Variants in LRRTM3 observed in about 807,000 individuals in gnomAD.
LRRTM3 encodes the protein leucine-rich repeat transmembrane neuronal protein 3.
In LRRTM3, 24 loss-of-function variants were observed where a neutral mutation model predicts 44.7. The ratio of observed to expected loss-of-function variants is 0.54; its 90% CI spans 0.39 to 0.76. The LOEUF (loss-of-function observed/expected upper bound fraction) is 0.76, where lower values mean the gene tolerates loss of function less well. LRRTM3 is among the 30% of genes least tolerant of loss of function. LRRTM3 has a pLI of 0.00. For synonymous variants in LRRTM3, 277 were observed against 278.7 expected (o/e 0.99, Z 0.06); for missense variants, 587 against 702.2 (o/e 0.84, Z 1.85).
At position 67,026,179 on chromosome 10, in the gene LRRTM3, A is replaced by G. The variant is rs374263916; in HGVS notation, c.1537-71408A>G. Among the ~76,000 whole-genome samples the G allele has an allele frequency of 1.3e-4, 19 of 151,608 alleles. No individual in the cohort carries two copies. The East Asian group carries it at 1.4e-3, about 11-fold the overall frequency. On this transcript the variant is annotated intron_variant, in intron 2 of 2. Coordinates refer to ENST00000361320, the MANE Select transcript of LRRTM3 (RefSeq NM_178011.5). ...TGCTAAATGACGAGTTAATGGGTGC[A>G]GCACACCAGCATGGCACATGTATAC...
At chr10:66,941,516 T>A (rs1847993667) in intron 2 of LRRTM3, among the ~76,000 whole-genome samples, 1 of 152,150 alleles carries the variant, frequency 6.6e-6, no homozygotes, top group Admixed American at 6.6e-5. Flanking sequence ...TCCTTTCAAC[T>A]GTATGGAATT....
chr10:67,056,886 G>C (rs989418545), intron 2 of LRRTM3, among the ~76,000 whole-genome samples: 7 of 152,194 alleles, frequency 4.6e-5, no homozygotes, highest in African/African-American at 1.4e-4. Context: ...TATCAAGTGA[G>C]AGAGCAAGGA....
intron 2 of LRRTM3, among the ~76,000 whole-genome samples, chr10:66,935,812 T>C (rs1847664617): frequency 6.6e-6 from 1 of 151,874 alleles, no homozygotes; most frequent in Non-Finnish European, 1.5e-5. Flanking sequence ...AACAGAGCCC[T>C]TTATATTGAG....
intron 2 of LRRTM3, among the ~76,000 whole-genome samples, chr10:67,057,504 G>C (rs1178047711): frequency 1.3e-5 from 2 of 152,006 alleles, no homozygotes; most frequent in African/African-American, 4.8e-5. Context: ...CATATAAGTG[G>C]GACCATGCAG....
At chr10:67,035,670 C>T (rs1261829963) in intron 2 of LRRTM3, among the ~76,000 whole-genome samples, 1 of 152,128 alleles carries the variant, frequency 6.6e-6, no homozygotes, top group African/African-American at 2.4e-5. Context: ...TCCCTCAGTA[C>T]TCAAAATTCA....
intron 2 of LRRTM3, among the ~76,000 whole-genome samples, chr10:67,032,390 C>T (rs2133113857): frequency 6.6e-6 from 1 of 152,132 alleles, no homozygotes; most frequent in South Asian, 2.1e-4. Flanking sequence ...CCCATTTCGC[C>T]TCCAATAAAA....
chr10:67,065,046 C>T (rs1855992009), intron 2 of LRRTM3, among the ~76,000 whole-genome samples: 1 of 152,112 alleles, frequency 6.6e-6, no homozygotes, highest in Non-Finnish European at 1.5e-5. Flanking sequence ...ATAGCAAGTC[C>T]CATAAAGCCT....
chr10:67,012,362 CTCTA>C (rs1343976958), intron 2 of LRRTM3: 1 of 152,146 alleles, frequency 6.6e-6, no homozygotes, highest in African/African-American at 2.4e-5. Flanking sequence ...GGTCAGTCCT[CTCTA>C]TAGTATCTTC....
At chr10:67,002,983 A>G (rs1184228051) in intron 2 of LRRTM3, among the ~76,000 whole-genome samples, 2 of 152,188 alleles carry the variant, frequency 1.3e-5, no homozygotes, top group Non-Finnish European at 2.9e-5. Context: ...AATAAAATAC[A>G]TTCATCAGAT....
chr10:66,934,183 A>T (rs1847564306), intron 2 of LRRTM3, among the ~76,000 whole-genome samples: 1 of 152,190 alleles, frequency 6.6e-6, no homozygotes, highest in Non-Finnish European at 1.5e-5. Context: ...TTTTATTGAA[A>T]AAAAAGAAAA....
At chr10:67,028,889 C>G (rs1255807259) in intron 2 of LRRTM3, among the ~76,000 whole-genome samples, 1 of 152,088 alleles carries the variant, frequency 6.6e-6, no homozygotes, top group African/African-American at 2.4e-5. Flanking sequence ...ATTAATGAGT[C>G]ATTTTAACAT....
At chr10:66,961,879 A>G (rs1265892242) in intron 2 of LRRTM3, among the ~76,000 whole-genome samples, 3 of 152,156 alleles carry the variant, frequency 2.0e-5, no homozygotes, top group Non-Finnish European at 4.4e-5. Context: ...AGTTAATGGC[A>G]TATGGAGGCC....
chr10:67,080,981 T>G (rs569047833), intron 2 of LRRTM3, among the ~76,000 whole-genome samples: 14 of 151,452 alleles, frequency 9.2e-5, no homozygotes, highest in African/African-American at 3.1e-4. Context: ...TACCTAAAGC[T>G]AAACAATAAA....
In LRRTM3 at chr10:66,991,573, T is replaced by C. The variant is rs531630197; in HGVS notation, c.1536+63121T>C. Among the ~76,000 whole-genome samples, 61 of 152,276 alleles carry C rather than the reference T, an allele frequency of 4.0e-4. 1 individual carries two copies. Among genetic ancestry groups the C allele is most frequent in the African/African-American group, 1.4e-3 (59 of 41,566 alleles). On this transcript the variant is annotated intron_variant, in intron 2 of 2. Transcript: ENST00000361320. ...TTATTTATTTATTTAGTTTTTGAGATGGAGTTTCGCTCTTGTTGCCCAGGC... is the reference window on the plus strand; with the variant it reads ...TTATTTATTTATTTAGTTTTTGAGACGGAGTTTCGCTCTTGTTGCCCAGGC...
At chr10:67,067,348 A>G (rs993869436) in intron 2 of LRRTM3, among the ~76,000 whole-genome samples, 2 of 152,192 alleles carry the variant, frequency 1.3e-5, no homozygotes, top group African/African-American at 2.4e-5. Flanking sequence ...CCATATACTA[A>G]GCAAAAAGTT....
At chr10:67,023,379 C>T (rs549871454) in intron 2 of LRRTM3, among the ~76,000 whole-genome samples, 1 of 152,066 alleles carries the variant, frequency 6.6e-6, no homozygotes, top group East Asian at 1.9e-4. Context: ...AAGTCAAGAA[C>T]TTCAGGAAAG....
intron 2 of LRRTM3, among the ~76,000 whole-genome samples, chr10:67,029,748 T>C (rs143020821): frequency 1.6e-4 from 25 of 152,176 alleles, no homozygotes; most frequent in Non-Finnish European, 2.9e-4. Flanking sequence ...TGATTCTATA[T>C]CAAAAACCAA....
chr10:67,047,825 A>C (rs1020289399), intron 2 of LRRTM3, among the ~76,000 whole-genome samples: 1 of 152,110 alleles, frequency 6.6e-6, no homozygotes, highest in Non-Finnish European at 1.5e-5. Flanking sequence ...CCTTCTAAAA[A>C]TAAAAGTTTC....
At chr10:67,072,455 G>C (rs1856517476) in intron 2 of LRRTM3, among the ~76,000 whole-genome samples, 1 of 152,114 alleles carries the variant, frequency 6.6e-6, no homozygotes, top group South Asian at 2.1e-4. Context: ...TTTATTGTAT[G>C]ATAGAAATTA....
Sources: gnomAD v4.1 joint callset for allele counts (sites outside exome capture counted in the v4.1 genomes callset) on GRCh38, gnomAD v4.1.1 for gene constraint, MANE v1.5 for transcripts, NCBI Gene and HGNC (gene_info 2026-07-23, HGNC 2026-07-21) for gene names.